The following MAPKAP1 variants were observed in gnomAD, a reference collection of about 807,000 sequenced individuals.
MAPKAP1 encodes the protein target of rapamycin complex 2 subunit MAPKAP1.
Under a neutral mutation model 65.7 loss-of-function variants are expected in MAPKAP1, and 20 were observed. The observed-to-expected ratio is 0.30, with a 90% CI of 0.21 to 0.44. The LOEUF (loss-of-function observed/expected upper bound fraction) is 0.44, where lower values mean the gene tolerates loss of function less well. Among genes scored for constraint, MAPKAP1 ranks in the 20% least tolerant of loss-of-function variants. The pLI is 1.00. For synonymous variants in MAPKAP1, 222 were observed against 244.3 expected (o/e 0.91, Z 0.85); for missense variants, 423 against 648.0 (o/e 0.65, Z 3.77).
At chr9:125,527,264 CA>C (rs1387062365) in intron 7 of MAPKAP1, among the ~76,000 whole-genome samples, 1 of 152,062 alleles carries the variant, frequency 6.6e-6, no homozygotes, top group African/African-American at 2.4e-5. Flanking sequence ...GATGGAGTTT[CA>C]CCATCTTGGC....
chr9:125,519,224 A>G (rs12351538), intron 7 of MAPKAP1, among the ~76,000 whole-genome samples: 77,186 of 151,808 alleles, frequency 0.51, 20,311 homozygotes, highest in African/African-American at 0.66. Context: ...CCTGTTCAAG[A>G]GTTCCTGAGG....
chr9:125,585,879 T>C, intron 4 of MAPKAP1, 152 bp from the exon 5 acceptor site: 1 of 663,604 alleles, frequency 1.5e-6, no homozygotes, highest in Non-Finnish European at 2.4e-6. Context: ...AAACACTGTC[T>C]AGTTTCAAGG....
chr9:125,449,226 T>C (rs938967798), intron 10 of MAPKAP1, among the ~76,000 whole-genome samples: 1 of 152,148 alleles, frequency 6.6e-6, no homozygotes, highest in African/African-American at 2.4e-5. Context: ...GTTTCAGCTG[T>C]GGGACCTTGG....
intron 4 of MAPKAP1, among the ~76,000 whole-genome samples, chr9:125,589,877 C>A (rs1220757818): frequency 6.6e-6 from 1 of 152,188 alleles, no homozygotes; most frequent in Non-Finnish European, 1.5e-5. Context: ...CACACGTGGG[C>A]AAGCACACAT....
intron 11 of MAPKAP1, among the ~76,000 whole-genome samples, chr9:125,440,595 G>A (rs1852443363): frequency 6.6e-6 from 1 of 152,168 alleles, no homozygotes; most frequent in South Asian, 2.1e-4. Context: ...TCCCGGGGGA[G>A]GCAGCGCGAG....
intron 5 of MAPKAP1, among the ~76,000 whole-genome samples, chr9:125,583,361 C>T (rs1831681409): frequency 6.6e-6 from 1 of 152,192 alleles, no homozygotes; most frequent in Admixed American, 6.5e-5. Flanking sequence ...CTTGTAAGCA[C>T]CTGATTTTGC....
intron 4 of MAPKAP1, chr9:125,596,109 G>C (rs755138259): frequency 2.3e-6 from 2 of 866,808 alleles, no homozygotes; most frequent in South Asian, 1.3e-5. Flanking sequence ...AAGGGGACTT[G>C]CCTTTGTAAC....
intron 4 of MAPKAP1, among the ~76,000 whole-genome samples, chr9:125,617,065 T>C (rs1832766735): frequency 6.6e-6 from 1 of 152,096 alleles, no homozygotes; most frequent in African/African-American, 2.4e-5. Context: ...AAGTGACAGA[T>C]ATTTTAATTA....
intron 6 of MAPKAP1, among the ~76,000 whole-genome samples, chr9:125,549,541 C>T (rs183083738): frequency 2.6e-5 from 4 of 152,232 alleles, no homozygotes; most frequent in South Asian, 2.1e-4. Context: ...AAGATCAAAG[C>T]GTACTGTGGG....
At chr9:125,577,235 C>G (rs927371393) in intron 5 of MAPKAP1, among the ~76,000 whole-genome samples, 2 of 151,746 alleles carry the variant, frequency 1.3e-5, no homozygotes, top group African/African-American at 2.4e-5. Flanking sequence ...AGGAGACCCT[C>G]TGCCTGGCAA....
At chr9:125,599,907 T>A (rs1408837512) in intron 4 of MAPKAP1, 2 of 152,348 alleles carry the variant, frequency 1.3e-5, no homozygotes. Flanking sequence ...GTGCTGGGAT[T>A]ACAGGCGTGA....
intron 1 of MAPKAP1, among the ~76,000 whole-genome samples, chr9:125,677,204 C>T (rs539319910): frequency 4.6e-5 from 7 of 152,142 alleles, no homozygotes; most frequent in African/African-American, 1.4e-4. Context: ...TTTGGGAGGC[C>T]GAGGCGGGCG....
At chr9:125,488,468 C>A (rs1292455692) in intron 8 of MAPKAP1, among the ~76,000 whole-genome samples, 1 of 152,192 alleles carries the variant, frequency 6.6e-6, no homozygotes, top group Non-Finnish European at 1.5e-5. Context: ...CAGGTTCAAG[C>A]AATTCTCCTG....
At chr9:125,539,956 G>T (rs1830192730) in intron 7 of MAPKAP1, among the ~76,000 whole-genome samples, 1 of 152,070 alleles carries the variant, frequency 6.6e-6, no homozygotes, top group Non-Finnish European at 1.5e-5. Flanking sequence ...ACTGTGAAAA[G>T]ACTACTATAG....
intron 4 of MAPKAP1, 136 bp from the exon 5 acceptor site, chr9:125,585,863 A>C: frequency 2.7e-6 from 2 of 747,812 alleles, no homozygotes; most frequent in Non-Finnish European, 4.2e-6. Flanking sequence ...AATGGTCCCA[A>C]AGTGGAAACA....
chr9:125,682,561 C>T (rs1475713070), intron 1 of MAPKAP1, among the ~76,000 whole-genome samples: 1 of 152,190 alleles, frequency 6.6e-6, no homozygotes, highest in Non-Finnish European at 1.5e-5. Flanking sequence ...TCTGCCAGTT[C>T]GGTATAATGT....
intron 7 of MAPKAP1, among the ~76,000 whole-genome samples, chr9:125,526,081 G>A (rs1298373055): frequency 1.3e-5 from 2 of 152,200 alleles, no homozygotes; most frequent in Non-Finnish European, 2.9e-5. Flanking sequence ...GGCAAAGGTG[G>A]CAGTGGTGCA....
Position 125,593,994 on chromosome 9 carries a change from ACT to A in MAPKAP1, c.499-8269_499-8268del, listed in dbSNP as rs1193723144. On this transcript the variant is annotated intron_variant, in intron 4 of 11. Transcript: ENST00000265960. ...ATCTCAACTAAGGCTTTCACCATCT[ACT>A]CTGTCACGCAAGCTAGGAATCCTAA... 3.9e-5 allele frequency among the ~76,000 whole-genome samples: 6 copies of A among 151,910 alleles called. No homozygotes were observed. In the East Asian group the frequency reaches 9.7e-4, roughly 25 times the overall value.
At chr9:125,488,932 A>C (rs183190252) in intron 8 of MAPKAP1, among the ~76,000 whole-genome samples, 34 of 152,320 alleles carry the variant, frequency 2.2e-4, no homozygotes, top group Admixed American at 2.2e-3. Context: ...TTCCAAAAGC[A>C]TATTTTTTGG....
Sources: allele counts gnomAD v4.1 joint callset (sites outside exome capture counted in the v4.1 genomes callset), GRCh38; gene constraint gnomAD v4.1.1; transcripts MANE v1.5; gene names NCBI Gene and HGNC (gene_info 2026-07-23, HGNC 2026-07-21).